NR3C1: variants seen among roughly 807,000 people sequenced by gnomAD.
NR3C1 encodes glucocorticoid receptor.
In NR3C1, 14 loss-of-function variants were observed where a neutral mutation model predicts 74.0. The ratio of observed to expected loss-of-function variants is 0.19; its 90% CI spans 0.12 to 0.30. NR3C1 has a LOEUF of 0.30. Ranked by LOEUF, NR3C1 falls within the 10% of genes least tolerant of loss-of-function variation. The probability of loss-of-function intolerance (pLI) is 1.00; values close to 1 mark genes in which losing one functional copy is unlikely to be tolerated. For synonymous variants in NR3C1, 308 were observed against 332.5 expected, an observed-to-expected ratio of 0.93 and a Z score of 0.80; for missense variants, 695 against 909.8, an observed-to-expected ratio of 0.76 and a Z score of 3.04.
intron 1 of NR3C1, among the ~76,000 whole-genome samples, 199 bp downstream of exon 1, chr5:143,403,012 G>A (rs966044906): frequency 6.6e-6 from 1 of 151,436 alleles, no homozygotes; most frequent in Non-Finnish European, 1.5e-5. Context: ...CGCCTGCGGA[G>A]GGAGAGGAAG....
intron 2 of NR3C1, among the ~76,000 whole-genome samples, chr5:143,349,912 G>A (rs1348941920): frequency 1.3e-5 from 2 of 152,152 alleles, no homozygotes; most frequent in Non-Finnish European, 2.9e-5. Context: ...CCAAACGTGG[G>A]AGATCAAGAA....
intron 1 of NR3C1, among the ~76,000 whole-genome samples, chr5:143,425,205 A>T (rs1436421353): frequency 1.3e-5 from 2 of 152,208 alleles, no homozygotes; most frequent in African/African-American, 4.8e-5. Flanking sequence ...AAGAATATTT[A>T]AAAAATTAAC....
chr5:143,390,592 G>A lies in NR3C1; in HGVS notation c.1184+9064C>T, dbSNP rs761466128. Among the ~76,000 whole-genome samples the A allele has an allele frequency of 3.3e-5, 5 of 152,034 alleles. No homozygotes were observed. The East Asian group carries it at 7.7e-4, about 23-fold the overall frequency. On this transcript the variant is annotated intron_variant, in intron 2 of 8. Transcript: ENST00000394464. ...TACTTCATTACTATGCCAAGAAGAG[G>A]GAATATATAAACTGTTATCATAAAG...
intron 4 of NR3C1, among the ~76,000 whole-genome samples, chr5:143,306,992 G>C (rs528943617): frequency 6.8e-6 from 1 of 146,472 alleles, no homozygotes; most frequent in Non-Finnish European, 1.5e-5. Context: ...CAACTCCTGG[G>C]CTGATGCCAT....
At chr5:143,294,190 C>G in intron 7 of NR3C1, 1 of 984,984 alleles carries the variant, frequency 1.0e-6, no homozygotes, top group Non-Finnish European at 1.2e-6. Context: ...AAATCACAGT[C>G]TTGTGCAACA....
chr5:143,283,350 T>G (rs1055550675), intron 7 of NR3C1, among the ~76,000 whole-genome samples: 3 of 152,218 alleles, frequency 2.0e-5, no homozygotes, highest in Non-Finnish European at 4.4e-5. Flanking sequence ...TCACTTGATT[T>G]CTCATCTATA....
upstream of NR3C1, chr5:143,404,582 A>T: frequency 2.1e-6 from 2 of 934,612 alleles, no homozygotes; most frequent in Non-Finnish European, 1.2e-6. Context: ...GCCGCCTGCC[A>T]AGTTCAACCC....
At chr5:143,394,029 T>C (rs1277224911) in intron 2 of NR3C1, among the ~76,000 whole-genome samples, 1 of 152,046 alleles carries the variant, frequency 6.6e-6, no homozygotes, top group Non-Finnish European at 1.5e-5. Context: ...TTAAAACTTT[T>C]TTCCCCTTAT....
chr5:143,405,406 C>T (rs565858679), upstream of NR3C1: 16 of 961,534 alleles, frequency 1.7e-5, no homozygotes, highest in East Asian at 4.6e-4. Flanking sequence ...AAGCGCGTCC[C>T]GGAAGCCGCC....
chr5:143,423,583 A>T (rs1262261384), intron 1 of NR3C1, among the ~76,000 whole-genome samples: 1 of 152,148 alleles, frequency 6.6e-6, no homozygotes, highest in African/African-American at 2.4e-5. Context: ...TAGAGCTACC[A>T]TATTACCCAG....
chr5:143,395,300 G>A (rs1285032613), intron 2 of NR3C1, among the ~76,000 whole-genome samples: 2 of 151,714 alleles, frequency 1.3e-5, no homozygotes, highest in South Asian at 2.1e-4. Context: ...AAGAGCAGTC[G>A]GCTCTCTGAA....
At chr5:143,345,219 ATTG>A (rs1368266964) in intron 2 of NR3C1, among the ~76,000 whole-genome samples, 3 of 152,038 alleles carry the variant, frequency 2.0e-5, no homozygotes, top group Non-Finnish European at 4.4e-5. Context: ...AATTATTATT[ATTG>A]TTTTTTGAGA....
chr5:143,378,510 T>C lies in NR3C1; in HGVS notation c.1184+21146A>G, dbSNP rs2043840. Among the ~76,000 whole-genome samples the C allele has an allele frequency of 4.9e-3, 741 of 152,254 alleles. 21 individuals are homozygous for C. In the East Asian group the frequency reaches 0.072, roughly 15 times the overall value. ...ATTCAGACTTGCTTGTGTTCACAAA[T>C]AGATAATGCCAGAGGTGGTGGTCTC... On this transcript the variant is annotated intron_variant, in intron 2 of 8. Coordinates refer to ENST00000394464, the MANE Select transcript of NR3C1 (RefSeq NM_000176.3).
intron 3 of NR3C1, among the ~76,000 whole-genome samples, chr5:143,312,655 C>G (rs1473807933): frequency 2.0e-5 from 3 of 152,212 alleles, no homozygotes; most frequent in East Asian, 1.9e-4. Flanking sequence ...TGGAGGCAAC[C>G]CCATTGTAAG....
In NR3C1 at chr5:143,399,656, C is replaced by G; in HGVS notation, c.1184G>C (p.Ser395Thr). The G allele has an allele frequency of 6.2e-7, 1 of 1,603,526 alleles. No individual in the cohort carries two copies. Among genetic ancestry groups the G allele is most frequent in the Non-Finnish European group, 8.5e-7 (1 of 1,170,374 alleles). The stretch of plus-strand genomic sequence containing the variant: ...AGAAACAGAAAAACACTGATCTTAC[C>G]TTGAATAGCCATTAGAAAAAACTGT... ...GRTVFSNGYS[S>T]PSMRPDVSSP... Residue 395 changes from serine (S) to threonine (T), a missense_variant and splice_region_variant, in exon 2 of 9, where the codon AGC (serine) becomes ACC (threonine). Around this residue, in one of 4 missense-constraint regions of NR3C1, gnomAD observed 497 missense variants for 489.5 expected, o/e 1.02. Coordinates refer to ENST00000394464, the MANE Select transcript of NR3C1 (RefSeq NM_000176.3).
chr5:143,434,966 T>C, exon 1 of NR3C1: 1 of 985,386 alleles, frequency 1.0e-6, no homozygotes, highest in South Asian at 4.7e-5. Flanking sequence ...AACTTTTTTT[T>C]TTTTGGAGAG....
chr5:143,325,275 T>C lies in NR3C1; in HGVS notation c.1185-11107A>G, dbSNP rs190321345. ...GAGGCAAAAGGTACTTCTTACATGG[T>C]GGTGGCAAAAGAAAAATGAGGAAGA... is the stretch of plus-strand genomic sequence containing the variant. On this transcript the variant is annotated intron_variant, in intron 2 of 8. Coordinates refer to ENST00000394464, the MANE Select transcript of NR3C1 (RefSeq NM_000176.3). Among the ~76,000 whole-genome samples the C allele has an allele frequency of 1.3e-5, 2 of 152,142 alleles. 1 individual carries two copies. The highest frequency in any genetic ancestry group is 2.9e-5 in the Non-Finnish European group (2 of 67,972).
intron 1 of NR3C1, among the ~76,000 whole-genome samples, chr5:143,430,748 A>G (rs1284264264): frequency 6.6e-6 from 1 of 152,166 alleles, no homozygotes; most frequent in African/African-American, 2.4e-5. Flanking sequence ...AGACTGTGAG[A>G]AATAAATGTT....
chr5:143,331,849 T>C (rs148962811), intron 2 of NR3C1, among the ~76,000 whole-genome samples: 1 of 152,294 alleles, frequency 6.6e-6, no homozygotes, highest in Non-Finnish European at 1.5e-5. Context: ...TCCTGGGTGA[T>C]GAAATAATCT....
Sources: allele counts gnomAD v4.1 joint callset (sites outside exome capture counted in the v4.1 genomes callset), GRCh38; gene constraint gnomAD v4.1.1; regional missense constraint gnomAD v4.1.1; transcripts MANE v1.5; gene names NCBI Gene and HGNC (gene_info 2026-07-23, HGNC 2026-07-21).